The following PIEZO2 variants were observed in gnomAD, a reference collection of about 807,000 sequenced individuals.
PIEZO2 encodes the protein piezo-type mechanosensitive ion channel component 2.
In PIEZO2, 172 loss-of-function variants were observed where a neutral mutation model predicts 337.3. The observed-to-expected ratio is 0.51, with a 90% CI of 0.45 to 0.58. The LOEUF (loss-of-function observed/expected upper bound fraction) is 0.58, where lower values mean the gene tolerates loss of function less well. Among genes scored for constraint, PIEZO2 ranks in the 20% least tolerant of loss-of-function variants. The pLI is 0.00. For missense variants in PIEZO2, 3,028 were observed against 3,391.3 expected, an observed-to-expected ratio of 0.89 and a Z score of 2.66; for synonymous variants, 1,251 against 1,228.5, an observed-to-expected ratio of 1.02 and a Z score of -0.38.
intron 5 of PIEZO2, among the ~76,000 whole-genome samples, chr18:10,860,282 C>G (rs1225059649): frequency 6.6e-6 from 1 of 152,156 alleles, no homozygotes; most frequent in Non-Finnish European, 1.5e-5. Flanking sequence ...GCCCCTAAGA[C>G]CACTCTGCCT....
Position 10,705,523 on chromosome 18 carries a change from C to T in PIEZO2, c.5812G>A (p.Val1938Met). The change falls in exon 41 of 56, where the codon GTG becomes ATG. Residue 1938 changes from valine (V) to methionine (M), a missense_variant. By Grantham distance (21) the Val-to-Met change is conservative. Coordinates refer to ENST00000674853, the MANE Select transcript of PIEZO2 (RefSeq NM_001378183.1). ...TTGCTGTAGGAGGGTGGGGCCTCCA[C>T]ATCCCCGTCCAAGGTGGAGAACTGT... Reference protein sequence around the residue: ...LTQFSTLDGDVEAPPSYSKAV... With the variant: ...LTQFSTLDGDMEAPPSYSKAV... 6.5e-7 allele frequency: 1 copy of T among 1,537,240 alleles called. No individual in the cohort carries two copies. The highest frequency in any genetic ancestry group is 8.7e-7 in the Non-Finnish European group (1 of 1,146,894).
rs79992793 is a variant in PIEZO2, at chr18:10,699,089, C to T, written c.6530G>A (p.Arg2177Lys). 1.3e-6 allele frequency: 2 copies of T among 1,537,244 alleles called. No homozygotes were observed. The highest frequency in any genetic ancestry group is 1.7e-6 in the Non-Finnish European group (2 of 1,146,906). ...CTTGAGAGAATCGGAGGAGTCCCTCCTGCCATGACCGAGGGAGAGCTCATC... is the reference window on the plus strand; with the variant it reads ...CTTGAGAGAATCGGAGGAGTCCCTCTTGCCATGACCGAGGGAGAGCTCATC... Reference protein sequence around the residue: ...SDDELSLGHGRRDSSDSLKSI... With the variant: ...SDDELSLGHGKRDSSDSLKSI... The change falls in exon 44 of 56, where the codon AGG becomes AAG. Residue 2177 changes from arginine (R) to lysine (K), a missense_variant. By Grantham distance (26) the Arg-to-Lys change is conservative. Around this residue, in one of 5 missense-constraint regions of PIEZO2, gnomAD observed 1,925 missense variants for 2,051.9 expected, o/e 0.94. Transcript: ENST00000674853.
rs533574916 is a variant in PIEZO2, at chr18:10,819,453, C to G, written c.918-12179G>C. On this transcript the variant is annotated intron_variant, in intron 7 of 55. Transcript: ENST00000674853. This position sits in a 1 kb window ranked among gnomAD's most constrained non-coding sequence, Gnocchi z 4.3. ...AATAATGCTGAAGATATAAGCATAC[C>G]AATGTATTCCAAAGACTCAGCTATG... Among the ~76,000 whole-genome samples the G allele has an allele frequency of 1.3e-4, 20 of 152,126 alleles. No individual in the cohort carries two copies. The highest frequency in any genetic ancestry group is 2.8e-4 in the Non-Finnish European group (19 of 67,970).
chr18:10,703,433 T>C (rs1277287298), intron 42 of PIEZO2, among the ~76,000 whole-genome samples: 1 of 152,270 alleles, frequency 6.6e-6, no homozygotes, highest in East Asian at 1.9e-4. Flanking sequence ...ATCAATACTT[T>C]CAACCAAATA....
intron 2 of PIEZO2, among the ~76,000 whole-genome samples, chr18:10,995,082 A>AAAAAAAAAAGAAAG (rs534311613): frequency 0.37 from 46,677 of 127,572 alleles, 9,122 homozygotes; most frequent in Non-Finnish European, 0.45. Context: ...CGTCTCAAAA[A>AAAAAAAAAAGAAAG]AAAAAAAAAA....
Position 10,696,127 on chromosome 18 carries a change from A to T in PIEZO2, c.7137T>A (p.Leu2379=). The change falls in exon 47 of 56, where the codon CTT becomes CTA. Residue 2379 remains leucine (L), a synonymous_variant. Coordinates refer to ENST00000674853, the MANE Select transcript of PIEZO2 (RefSeq NM_001378183.1). ...VLGKVIFQVI[L]VFGIHFWMFF... is the part of the protein sequence containing the mutation. ...ACATCCAGAAGTGAATTCCGAACAC[A>T]AGAATGACCTGGAAGATGACCTTTC... 1.2e-6 allele frequency: 2 copies of T among 1,614,186 alleles called. No homozygotes were observed. The highest frequency in any genetic ancestry group is 1.7e-6 in the Non-Finnish European group (2 of 1,180,016).
At chr18:10,919,750 T>C (rs1005674767) in intron 3 of PIEZO2, among the ~76,000 whole-genome samples, 8 of 152,188 alleles carry the variant, frequency 5.3e-5, no homozygotes, top group African/African-American at 1.9e-4. Flanking sequence ...AAGATAATCC[T>C]TGACTACAAG....
Position 10,784,879 on chromosome 18 carries a change from C to G in PIEZO2, c.2397G>C (p.Leu799=). The part of the protein sequence containing the change: ...TRIFIPTSFL[L]VCILHLHYFH... ...AGTAGTGCAGGTGTAAAATGCACACCAGCAGAAAGGAGGTTGGGATGAATA... is the reference window on the plus strand; with the variant it reads ...AGTAGTGCAGGTGTAAAATGCACACGAGCAGAAAGGAGGTTGGGATGAATA... Residue 799 remains leucine, a synonymous_variant, in exon 17 of 56, where the codon CTG becomes CTC. Transcript: ENST00000674853. This position sits in a 1 kb window ranked among gnomAD's most constrained non-coding sequence, Gnocchi z 4.5. 6.5e-7 allele frequency: 1 copy of G among 1,537,550 alleles called. No individual in the cohort carries two copies. The highest frequency in any genetic ancestry group is 8.7e-7 in the Non-Finnish European group (1 of 1,146,946).
At position 10,834,445 on chromosome 18, in the gene PIEZO2, ATAT is replaced by A. The variant is rs755002585; in HGVS notation, c.917+20905_917+20907del. Among the ~76,000 whole-genome samples the A allele has an allele frequency of 3.5e-4, 53 of 152,284 alleles. No homozygotes were observed. The highest frequency in any genetic ancestry group is 1.7e-3 in the South Asian group (8 of 4,826). On this transcript the variant is annotated intron_variant, in intron 7 of 55. Transcript: ENST00000674853. The surrounding 1 kb of genome is among the most constrained non-coding windows in gnomAD (Gnocchi z 4.5). ...ATACACCTTAACTATTACAACTATGATATTATCACTATTAGCCCAGCCCCACTC... is the reference window on the plus strand; with the variant it reads ...ATACACCTTAACTATTACAACTATGATATCACTATTAGCCCAGCCCCACTC...
chr18:10,671,672 T>C lies in PIEZO2; in HGVS notation c.8453A>G (p.Asp2818Gly). 6.2e-7 allele frequency: 1 copy of C among 1,613,998 alleles called. No homozygotes were observed. Among genetic ancestry groups the C allele is most frequent in the Non-Finnish European group, 8.5e-7 (1 of 1,179,974 alleles). Residue 2818 changes from aspartate to glycine, a missense_variant, in exon 56 of 56, where the codon GAT becomes GGT. Around this residue, in one of 5 missense-constraint regions of PIEZO2, gnomAD observed 332 missense variants for 363.8 expected, o/e 0.91. Coordinates refer to ENST00000674853, the MANE Select transcript of PIEZO2 (RefSeq NM_001378183.1). ...SIMFEELPNV[D>G]RILKLCTDIF... ...ATCTGTGCACAACTTCAAAATTCGA[T>C]CCACATTTGGAAGCTCTTCAAACAT... is the stretch of plus-strand genomic sequence containing the variant.
intron 2 of PIEZO2, among the ~76,000 whole-genome samples, chr18:11,006,454 T>C (rs1220155037): frequency 6.6e-6 from 1 of 152,210 alleles, no homozygotes; most frequent in Non-Finnish European, 1.5e-5. Context: ...TCTTTAGCTT[T>C]CATGGGGGCA....
intron 7 of PIEZO2, among the ~76,000 whole-genome samples, chr18:10,808,007 T>A (rs1417718478): frequency 6.6e-6 from 1 of 152,216 alleles, no homozygotes; most frequent in Non-Finnish European, 1.5e-5. Flanking sequence ...TGATGGGCAA[T>A]TTTTCTAAGA....
chr18:11,053,255 A>C (rs2037594710), intron 2 of PIEZO2, among the ~76,000 whole-genome samples: 1 of 152,206 alleles, frequency 6.6e-6, no homozygotes, highest in Non-Finnish European at 1.5e-5. Flanking sequence ...AAAATTGGAC[A>C]CACCAGCTGT....
rs998104516 is a variant in PIEZO2 at position 11,032,023 on chromosome 18, C to T, written c.160+34104G>A. Among the ~76,000 whole-genome samples the T allele has an allele frequency of 1.3e-5, 2 of 152,120 alleles. No homozygotes were observed. The highest frequency in any genetic ancestry group is 4.1e-4 in the South Asian group (2 of 4,824). The stretch of plus-strand genomic sequence containing the variant: ...TACACACAGATATTTACTGCTGATT[C>T]CAATGACGATGGCAATAAAGTAATG... On this transcript the variant is annotated intron_variant, in intron 2 of 55. Transcript: ENST00000674853. This position sits in a 1 kb window ranked among gnomAD's most constrained non-coding sequence, Gnocchi z 4.9.
chr18:11,008,324 A>G (rs933370394), intron 2 of PIEZO2, among the ~76,000 whole-genome samples: 1 of 152,200 alleles, frequency 6.6e-6, no homozygotes, highest in Non-Finnish European at 1.5e-5. Flanking sequence ...GGCCCATGAC[A>G]CCGTAGCACC....
chr18:10,720,621 T>C (rs1183998992), intron 36 of PIEZO2, among the ~76,000 whole-genome samples: 1 of 150,936 alleles, frequency 6.6e-6, no homozygotes, highest in East Asian at 2.0e-4. Context: ...CACCTGACTA[T>C]ATTAAGAAAA....
chr18:10,742,669 T>G, intron 31 of PIEZO2, 54 bp from the exon 32 acceptor site: 1 of 1,523,692 alleles, frequency 6.6e-7, no homozygotes, highest in Non-Finnish European at 8.8e-7. Context: ...TGTTCTCATG[T>G]GGTCAGTACT....
chr18:10,757,725 A>T (rs1324482566), intron 27 of PIEZO2, among the ~76,000 whole-genome samples: 1 of 151,916 alleles, frequency 6.6e-6, no homozygotes, highest in Non-Finnish European at 1.5e-5. Flanking sequence ...CAGTTTTGGT[A>T]TGAAGAAGAG....
At chr18:10,880,858 T>TAC (rs2042394694) in intron 4 of PIEZO2, among the ~76,000 whole-genome samples, 1 of 29,760 alleles carries the variant, frequency 3.4e-5, no homozygotes, top group South Asian at 1.3e-3. Context: ...TATATATATA[T>TAC]ATATATATAT....
Sources: allele counts gnomAD v4.1 joint callset (sites outside exome capture counted in the v4.1 genomes callset), GRCh38; gene constraint gnomAD v4.1.1; regional missense constraint gnomAD v4.1.1; non-coding constraint Gnocchi (gnomAD v3.1); transcripts MANE v1.5; gene names NCBI Gene and HGNC (gene_info 2026-07-23, HGNC 2026-07-21).